Variants in ATP8A2 observed in about 807,000 individuals in gnomAD.
The protein encoded by ATP8A2 is phospholipid-transporting ATPase IB.
ATP8A2 carries 100 observed loss-of-function variants against 165.6 expected under a neutral mutation model. The observed-to-expected ratio is 0.60, with a 90% CI of 0.51 to 0.71. The LOEUF is 0.71. ATP8A2 is among the 30% of genes least tolerant of loss of function. The probability of loss-of-function intolerance (pLI) is 0.00; values close to 1 mark genes in which losing one functional copy is unlikely to be tolerated. For synonymous variants in ATP8A2, 543 were observed against 548.8 expected (o/e 0.99, Z 0.15); for missense variants, 1,227 against 1,479.5 (o/e 0.83, Z 2.80).
chr13:25,735,754 T>C (rs2043754063), intron 25 of ATP8A2, among the ~76,000 whole-genome samples: 1 of 152,240 alleles, frequency 6.6e-6, no homozygotes, highest in African/African-American at 2.4e-5. Flanking sequence ...AGAAAATTCC[T>C]TTCACTTGGT....
chr13:25,913,607 T>G (rs1036369938), intron 33 of ATP8A2, among the ~76,000 whole-genome samples: 1 of 151,922 alleles, frequency 6.6e-6, no homozygotes, highest in African/African-American at 2.4e-5. Flanking sequence ...AGAGCATCCT[T>G]TAGGCTTCAA....
chr13:25,584,287 C>T (rs1469464106), intron 23 of ATP8A2, among the ~76,000 whole-genome samples: 1 of 152,184 alleles, frequency 6.6e-6, no homozygotes, highest in African/African-American at 2.4e-5. Context: ...CCACAGGCGG[C>T]AGCTGTCAGC....
intron 1 of ATP8A2, among the ~76,000 whole-genome samples, chr13:25,459,915 G>A (rs2035460653): frequency 6.6e-6 from 1 of 152,108 alleles, no homozygotes; most frequent in South Asian, 2.1e-4. Flanking sequence ...AAATGCTTAG[G>A]ACAAGGTTGG....
intron 25 of ATP8A2, among the ~76,000 whole-genome samples, chr13:25,742,070 T>C (rs1215661608): frequency 6.6e-6 from 1 of 152,134 alleles, no homozygotes; most frequent in Admixed American, 6.5e-5. Context: ...CATCATAGAG[T>C]ATACACACAC....
At chr13:25,814,864 A>T (rs1020980965) in intron 27 of ATP8A2, among the ~76,000 whole-genome samples, 12 of 152,234 alleles carry the variant, frequency 7.9e-5, no homozygotes, top group Non-Finnish European at 1.5e-4. Context: ...AAATAAAAAT[A>T]CAAAAATTAG....
intron 1 of ATP8A2, among the ~76,000 whole-genome samples, chr13:25,430,322 G>A (rs1593296533): frequency 6.6e-6 from 1 of 152,268 alleles, no homozygotes; most frequent in South Asian, 2.1e-4. Flanking sequence ...GTGTGGAGGG[G>A]CAGGAAGGAA....
rs184746812 is a variant in ATP8A2 at position 26,002,796 on chromosome 13, C to T, written c.3378-9735C>T. Among the ~76,000 whole-genome samples, 1,102 of 150,440 alleles carry T rather than the reference C, an allele frequency of 7.3e-3. 9 individuals carry two copies. The highest frequency in any genetic ancestry group is 0.025 in the African/African-American group (1,040 of 40,866). Reference sequence around the variant, plus strand: ...TTAGCATAGTGTCCTCTTGGTTTATCCATGTTATAGCAAACGATAGGATGT... The same window carrying T: ...TTAGCATAGTGTCCTCTTGGTTTATTCATGTTATAGCAAACGATAGGATGT... On this transcript the variant is annotated intron_variant, in intron 35 of 36. Coordinates refer to ENST00000381655, the MANE Select transcript of ATP8A2 (RefSeq NM_016529.6).
At chr13:25,493,778 C>T (rs1024334982) in intron 2 of ATP8A2, among the ~76,000 whole-genome samples, 4 of 152,050 alleles carry the variant, frequency 2.6e-5, no homozygotes, top group African/African-American at 9.7e-5. Flanking sequence ...CAGAAAACCT[C>T]AGGGATGATC....
intron 2 of ATP8A2, among the ~76,000 whole-genome samples, chr13:25,472,293 C>A (rs767275836): frequency 1.3e-5 from 2 of 151,384 alleles, no homozygotes; most frequent in Non-Finnish European, 1.5e-5. Flanking sequence ...ACTCGAGAGA[C>A]TGAGGCACAA....
chr13:26,015,044 C>G (rs1367555022), intron 36 of ATP8A2, among the ~76,000 whole-genome samples: 3 of 152,018 alleles, frequency 2.0e-5, no homozygotes, highest in African/African-American at 7.3e-5. Context: ...ATGTTGTGAT[C>G]AAAGACCGAA....
At chr13:25,942,226 T>G (rs1566288934) in intron 33 of ATP8A2, among the ~76,000 whole-genome samples, 1 of 152,236 alleles carries the variant, frequency 6.6e-6, no homozygotes, top group Non-Finnish European at 1.5e-5. Flanking sequence ...GTTTCCTTTT[T>G]TTCCCTACAG....
intron 27 of ATP8A2, among the ~76,000 whole-genome samples, chr13:25,808,869 T>A (rs1190724417): frequency 6.6e-6 from 1 of 152,190 alleles, no homozygotes; most frequent in Non-Finnish European, 1.5e-5. Context: ...AAACAGAGAT[T>A]ACTTGAGAAG....
chr13:25,796,979 C>T (rs1950510586), intron 27 of ATP8A2, among the ~76,000 whole-genome samples: 1 of 151,922 alleles, frequency 6.6e-6, no homozygotes, highest in South Asian at 2.1e-4. Context: ...TTAAAAATAA[C>T]TAAAACAGCC....
intron 33 of ATP8A2, among the ~76,000 whole-genome samples, chr13:25,864,480 G>C (rs1006115932): frequency 6.6e-6 from 1 of 152,154 alleles, no homozygotes; most frequent in Admixed American, 6.5e-5. Flanking sequence ...CACTGTACCA[G>C]TCACATAAGC....
intron 25 of ATP8A2, among the ~76,000 whole-genome samples, chr13:25,709,124 A>G (rs1014488595): frequency 4.3e-5 from 6 of 140,974 alleles, no homozygotes; most frequent in Non-Finnish European, 9.8e-5. Flanking sequence ...ACAGACAGAG[A>G]GACAGACAGA....
At chr13:25,479,055 C>A (rs61947633) in intron 2 of ATP8A2, among the ~76,000 whole-genome samples, 5,834 of 152,148 alleles carry the variant, frequency 0.038, 146 homozygotes, top group Non-Finnish European at 0.05. Context: ...ACCATTTTGG[C>A]CAGGATGGTA....
chr13:25,608,486 A>C (rs1164261278), intron 24 of ATP8A2, among the ~76,000 whole-genome samples: 2 of 111,928 alleles, frequency 1.8e-5, no homozygotes, highest in African/African-American at 2.7e-5. Flanking sequence ...TCAGCTATAC[A>C]TTTAAGTTCT....
intron 33 of ATP8A2, among the ~76,000 whole-genome samples, chr13:25,903,291 G>C (rs1953822272): frequency 6.6e-6 from 1 of 152,120 alleles, no homozygotes; most frequent in South Asian, 2.1e-4. Flanking sequence ...CCCTGCCGTT[G>C]CATTTGAATC....
At chr13:25,985,644 G>A (rs114029072) in intron 35 of ATP8A2, among the ~76,000 whole-genome samples, 3,849 of 152,234 alleles carry the variant, frequency 0.025, 175 homozygotes, top group African/African-American at 0.088. Context: ...TACTGAGTCG[G>A]GCCCATGGCC....
Sources: gnomAD v4.1 joint callset for allele counts (sites outside exome capture counted in the v4.1 genomes callset) on GRCh38, gnomAD v4.1.1 for gene constraint, MANE v1.5 for transcripts, NCBI Gene and HGNC (gene_info 2026-07-23, HGNC 2026-07-21) for gene names.